SIGLEC1: variants seen among roughly 807,000 people sequenced by gnomAD.
SIGLEC1 encodes the protein sialic acid binding Ig like lectin 1, also known as sialoadhesin.
In SIGLEC1, 132 loss-of-function variants were observed where a neutral mutation model predicts 148.0. The observed-to-expected ratio is 0.89, with a 90% confidence interval of 0.77 to 1.03. The LOEUF (loss-of-function observed/expected upper bound fraction) is 1.03. SIGLEC1 is among the 50% of genes least tolerant of loss of function. SIGLEC1 has a pLI of 0.00. For missense variants in SIGLEC1, 2,253 were observed against 2,271.4 expected, an observed-to-expected ratio of 0.99 and a Z score of 0.16; for synonymous variants, 945 against 969.0, an observed-to-expected ratio of 0.98 and a Z score of 0.46.
chr20:3,703,075 A>C, intron 6 of SIGLEC1, 122 bp downstream of exon 6: 1 of 1,216,970 alleles, frequency 8.2e-7, no homozygotes, highest in South Asian at 1.3e-5. Flanking sequence ...ACATGAGCTC[A>C]AGGCCACCTC....
In SIGLEC1 at chr20:3,698,032, G is replaced by T. The variant is rs370685594; in HGVS notation, c.1888C>A (p.Pro630Thr). The change falls in exon 9 of 22, where the codon CCC (proline) becomes ACC (threonine). Residue 630 changes from proline to threonine, a missense_variant. Physicochemically the swap from Pro to Thr is conservative, Grantham distance 38 (BLOSUM62 -1). Transcript: ENST00000344754. The part of the protein sequence containing the change: ...GLLLCRVDSD[P>T]PARLQLLHKD... ...TGGAGCAGCTGCAGCCTGGCGGGGG[G>T]GTCGCTGTCCACACGGCACAAAAGG... 2.5e-6 allele frequency: 4 copies of T among 1,609,088 alleles called. No homozygotes were observed. Among genetic ancestry groups the T allele is most frequent in the Admixed American group, 1.7e-5 (1 of 59,404 alleles).
intron 2 of SIGLEC1, 82 bp downstream of exon 2, chr20:3,706,998 C>T (rs952324369): frequency 4.7e-5 from 67 of 1,438,466 alleles, no homozygotes; most frequent in Non-Finnish European, 6.2e-5. Flanking sequence ...AAACATGTGA[C>T]CCAGGCATAG....
chr20:3,698,168 G>A (rs747478796), intron 8 of SIGLEC1, 35 bp from the exon 9 acceptor site: 66 of 1,510,316 alleles, frequency 4.4e-5, no homozygotes, highest in Non-Finnish European at 5.5e-5. Flanking sequence ...CTCATCCCAC[G>A]GATGCTCCAG....
intron 5 of SIGLEC1, 33 bp from the exon 6 acceptor site, chr20:3,703,484 C>A: frequency 3.2e-6 from 5 of 1,539,980 alleles, no homozygotes; most frequent in Non-Finnish European, 3.5e-6. Context: ...GCTGGGGGGT[C>A]CCAGCCAACT....
chr20:3,689,392 C>A, intron 20 of SIGLEC1, 165 bp from the exon 21 acceptor site: 1 of 705,704 alleles, frequency 1.4e-6, no homozygotes, highest in Non-Finnish European at 2.5e-6. Flanking sequence ...TTAGCACAGC[C>A]AGGGCAGAGA....
intron 4 of SIGLEC1, among the ~76,000 whole-genome samples, chr20:3,704,979 C>T (rs2146530909): frequency 6.6e-6 from 1 of 152,200 alleles, no homozygotes; most frequent in South Asian, 2.1e-4. Flanking sequence ...GGGTCATCTC[C>T]TTTATTTGTT....
Position 3,694,862 on chromosome 20 carries a change from G to A in SIGLEC1, c.2745C>T (p.Ser915=), listed in dbSNP as rs147210074. Residue 915 remains serine (S), a synonymous_variant, in exon 12 of 22, where the codon AGC becomes AGT. Transcript: ENST00000344754. Reference sequence around the variant, plus strand: ...CTGGGACTCCTGTGTGTACCTGGCAGCTCAGGACCACAGCCTGGCCCTCTT... The same window carrying A: ...CTGGGACTCCTGTGTGTACCTGGCAACTCAGGACCACAGCCTGGCCCTCTT... ...ELQEGQAVVL[S]CQVHTGVPEG... 6.2e-7 allele frequency: 1 copy of A among 1,613,250 alleles called. No individual in the cohort carries two copies. Among genetic ancestry groups the A allele is most frequent in the African/African-American group, 1.3e-5 (1 of 75,032 alleles).
intron 9 of SIGLEC1, 62 bp downstream of exon 9, chr20:3,697,736 G>A (rs767361785): frequency 5.4e-5 from 82 of 1,511,128 alleles, no homozygotes; most frequent in Non-Finnish European, 6.7e-5. Context: ...ATCCTCCTCG[G>A]AGCAGAACAG....
intron 19 of SIGLEC1, 120 bp from the exon 20 acceptor site, chr20:3,689,822 C>A: frequency 8.5e-7 from 1 of 1,172,894 alleles, no homozygotes; most frequent in Non-Finnish European, 1.2e-6. Context: ...GCTCTCCACA[C>A]AAGGGTGCCC....
In SIGLEC1 at chr20:3,700,106, C is replaced by CTTTTTT. The variant is rs58342380; in HGVS notation, c.1529-653_1529-648dup. ...TACAGGTGTGAGCCACTGTGGCCAG[C>CTTTTTT]TTTTTTTTTTTTTTTTTTTTTTTTT... On this transcript the variant is annotated intron_variant, in intron 7 of 21. Coordinates refer to ENST00000344754, the MANE Select transcript of SIGLEC1 (RefSeq NM_023068.4). Among the ~76,000 whole-genome samples the CTTTTTT allele has an allele frequency of 3.3e-4, 12 of 36,114 alleles. 3 individuals carry two copies. The highest frequency in any genetic ancestry group is 1.1e-3 in the East Asian group (1 of 874). 23.7% of individuals were successfully genotyped at this position (36,114 alleles called of 152,430 possible). A position where few individuals can be genotyped will look rare whatever the true frequency, so the allele number is the denominator to read the frequency against.
rs151052399 is a variant in SIGLEC1 at position 3,703,376 on chromosome 20, T to A, written c.1049A>T (p.Asn350Ile). 3.7e-6 allele frequency: 6 copies of A among 1,611,934 alleles called. 1 individual carries two copies. In the African/African-American group the frequency reaches 8.0e-5, roughly 22 times the overall value. Residue 350 changes from asparagine to isoleucine, a missense_variant, in exon 6 of 22, where the codon AAT (asparagine) becomes ATT (isoleucine). Physicochemically the swap from Asn to Ile is moderately radical, Grantham distance 149 (BLOSUM62 -3). Transcript: ENST00000344754. ...GTAGCGGAGATCACTGGGTGCCTCATTGGGTGTGTTGCAGACTAGTGTCAC... is the reference window on the plus strand; with the variant it reads ...GTAGCGGAGATCACTGGGTGCCTCAATGGGTGTGTTGCAGACTAGTGTCAC... ...QTVTLVCNTP[N>I]EAPSDLRYSW...
intron 11 of SIGLEC1, among the ~76,000 whole-genome samples, chr20:3,695,908 T>C (rs922992965): frequency 1.3e-5 from 2 of 151,900 alleles, no homozygotes; most frequent in African/African-American, 4.8e-5. Context: ...ATCTCCCAGG[T>C]TCAAACGATT....
rs1285473182 is a variant in SIGLEC1 at position 3,689,954 on chromosome 20, C to G, written c.4894+8G>C. 4 of 1,607,514 alleles carry G rather than the reference C, an allele frequency of 2.5e-6. No homozygotes were observed. The highest frequency in any genetic ancestry group is 3.4e-6 in the Non-Finnish European group (4 of 1,176,550). ...AGTGGCCTGGGAGATGGAGCCCCCT[C>G]CCCTCACCTCTGACCCCAAAGTAGG... is the stretch of plus-strand genomic sequence containing the variant. On this transcript the variant is annotated splice_region_variant and intron_variant, in intron 19 of 21. Transcript: ENST00000344754.
At chr20:3,707,829 C>T (rs1600292485) in intron 1 of SIGLEC1, among the ~76,000 whole-genome samples, 1 of 152,204 alleles carries the variant, frequency 6.6e-6, no homozygotes, top group South Asian at 2.1e-4. Flanking sequence ...TCAAGGGCTC[C>T]CTAGCTGCCC....
intron 13 of SIGLEC1, 103 bp downstream of exon 13, chr20:3,694,118 A>C: frequency 7.9e-7 from 1 of 1,273,878 alleles, no homozygotes; most frequent in South Asian, 1.5e-5. Flanking sequence ...AATGGGGACT[A>C]TTCCCGTGCC....
intron 12 of SIGLEC1, 27 bp from the exon 13 acceptor site, chr20:3,694,559 C>A (rs750122174): frequency 6.4e-7 from 1 of 1,557,330 alleles, no homozygotes; most frequent in East Asian, 2.3e-5. Flanking sequence ...GTGGTCAGGA[C>A]CCAGCCAGGG....
Position 3,699,207 on chromosome 20 carries a change from ACAGTGAGAACAGCTG to A in SIGLEC1, c.1766_1780del (p.Pro589_Val594delinsLeu), listed in dbSNP as rs1202078796. ...AACAGGTGGTGGCTGCTCACAGAGC[ACAGTGAGAACAGCTG>A]GCGAAGAGGGGCCACTGGCACTGTG... is the stretch of plus-strand genomic sequence containing the variant. On this transcript the variant is annotated inframe_deletion, in exon 8 of 22. Coordinates refer to ENST00000344754, the MANE Select transcript of SIGLEC1 (RefSeq NM_023068.4). 2 of 1,609,142 alleles carry A rather than the reference ACAGTGAGAACAGCTG, an allele frequency of 1.2e-6. No individual in the cohort carries two copies. Among genetic ancestry groups the A allele is most frequent in the Non-Finnish European group, 8.5e-7 (1 of 1,178,908 alleles).
In SIGLEC1 at chr20:3,710,869, C is replaced by T. The variant is rs781209593; in HGVS notation, c.-110+1601G>A. On this transcript the variant is annotated intron_variant, in intron 1 of 21. Coordinates refer to ENST00000344754, the MANE Select transcript of SIGLEC1 (RefSeq NM_023068.4). This position sits in a 1 kb window ranked among gnomAD's most constrained non-coding sequence, Gnocchi z 4.6. ...CTAACCCCAAAGGGGTCAGCCCCAC[C>T]GGAATCCAGCCTATTGGCTCAGCCT... Among the ~76,000 whole-genome samples the T allele has an allele frequency of 6.6e-6, 1 of 152,204 alleles. No individual in the cohort carries two copies. Among genetic ancestry groups the T allele is most frequent in the Non-Finnish European group, 1.5e-5 (1 of 68,042 alleles).
Position 3,706,335 on chromosome 20 carries a change from C to A in SIGLEC1, c.409+12G>T. The A allele has an allele frequency of 6.3e-7, 1 of 1,597,410 alleles. No individual in the cohort carries two copies. The highest frequency in any genetic ancestry group is 1.1e-5 in the South Asian group (1 of 90,386). On this transcript the variant is annotated intron_variant, in intron 3 of 21. Transcript: ENST00000344754. ...CCCTCCCGGGGGGCAGCCAGGCCAC[C>A]CCACTTATCACCTGTTACTGTGACC... is the stretch of plus-strand genomic sequence containing the variant.
Sources: gnomAD v4.1 joint callset for allele counts (sites outside exome capture counted in the v4.1 genomes callset) on GRCh38, gnomAD v4.1.1 for gene constraint, Gnocchi (gnomAD v3.1) non-coding constraint, MANE v1.5 for transcripts, NCBI Gene and HGNC (gene_info 2026-07-23, HGNC 2026-07-21) for gene names.